NNMT: variants seen among roughly 807,000 people sequenced by gnomAD.
NNMT encodes the protein nicotinamide N-methyltransferase.
In NNMT, 10 loss-of-function variants were observed where a neutral mutation model predicts 11.7. The ratio of observed to expected loss-of-function variants is 0.85; its 90% CI spans 0.53 to 1.45. The LOEUF is 1.45. Among genes scored for constraint, NNMT ranks in the 40% most tolerant of loss-of-function variants. NNMT has a pLI of 0.00. For synonymous variants in NNMT, 143 were observed against 133.8 expected, an observed-to-expected ratio of 1.07 and a Z score of -0.48; for missense variants, 381 against 319.4, an observed-to-expected ratio of 1.19 and a Z score of -1.47.
At chr11:114,284,705 G>A (rs1269199006) in intron 2 of NNMT, among the ~76,000 whole-genome samples, 2 of 148,058 alleles carry the variant, frequency 1.4e-5, no homozygotes, top group African/African-American at 5.0e-5. Flanking sequence ...CTTGTGATAT[G>A]CCCACCTTGG....
At chr11:114,278,114 T>A (rs895957666) in intron 2 of NNMT, among the ~76,000 whole-genome samples, 30 of 152,200 alleles carry the variant, frequency 2.0e-4, no homozygotes, top group African/African-American at 7.2e-4. Flanking sequence ...TGGCTCATGG[T>A]TCTGCAGGCT....
chr11:114,284,115 A>G (rs1945279946), intron 2 of NNMT, among the ~76,000 whole-genome samples: 2 of 152,230 alleles, frequency 1.3e-5, no homozygotes, highest in Non-Finnish European at 2.9e-5. Flanking sequence ...ACAAAGCAAA[A>G]TAGTGCAGAT....
chr11:114,276,076 C>T (rs1445244226), intron 2 of NNMT, among the ~76,000 whole-genome samples: 1 of 152,156 alleles, frequency 6.6e-6, no homozygotes, highest in Non-Finnish European at 1.5e-5. Context: ...CCCTGGCCGA[C>T]TGCCTCGTTT....
At chr11:114,291,858 TA>T (rs1167041343), upstream of NNMT, among the ~76,000 whole-genome samples, 2 of 152,206 alleles carry the variant, frequency 1.3e-5, no homozygotes, top group Non-Finnish European at 2.9e-5. Flanking sequence ...TTCTTTATAC[TA>T]AATTTTATAT....
In NNMT at chr11:114,278,809, A is replaced by G. The variant is rs535686287; in HGVS notation, c.-130+15875A>G. ...CCAGGAGAAGCTTGCAGCAGATGGG[A>G]CCAGAGGCTGAGTGTTAACTCCTTC... On this transcript the variant is annotated intron_variant, in intron 2 of 4. Transcript: ENST00000535401. Among the ~76,000 whole-genome samples, 12 of 152,264 alleles carry G rather than the reference A, an allele frequency of 7.9e-5. No individual in the cohort carries two copies. The South Asian group carries it at 1.9e-3, about 24-fold the overall frequency.
rs1479882751 is a variant in NNMT at position 114,296,569 on chromosome 11, T to G, written c.13T>G (p.Phe5Val). 1.2e-6 allele frequency: 2 copies of G among 1,613,862 alleles called. No individual in the cohort carries two copies. Among genetic ancestry groups the G allele is most frequent in the South Asian group, 2.2e-5 (2 of 91,074 alleles). The change falls in exon 1 of 3, where the codon TTC (phenylalanine) becomes GTC (valine). Residue 5 changes from phenylalanine (F) to valine (V), a missense_variant. Phe to Val is a conservative substitution (Grantham distance 50). Coordinates refer to ENST00000299964, the MANE Select transcript of NNMT (RefSeq NM_006169.3). MESG[F>V]TSKDTYLSHF... Reference sequence around the variant, plus strand: ...GAAGTGAGACATAATGGAATCAGGCTTCACCTCCAAGGACACCTATCTAAG... The same window carrying G: ...GAAGTGAGACATAATGGAATCAGGCGTCACCTCCAAGGACACCTATCTAAG...
rs117437450 is a variant in NNMT at position 114,272,466 on chromosome 11, C to T, written c.-130+9532C>T. Among the ~76,000 whole-genome samples the T allele has an allele frequency of 1.4e-3, 218 of 152,276 alleles. 3 individuals carry two copies. The East Asian group carries it at 0.036, about 25-fold the overall frequency. ...AGACCCACCAGGTAACTGACAGACA[C>T]GTTGGACCTTCAGAGTGTGTGGAAC... On this transcript the variant is annotated intron_variant, in intron 2 of 4. Coordinates refer to the NNMT transcript ENST00000535401.
rs80344834 is a variant in NNMT at position 114,291,389 on chromosome 11, A to G, written c.-129-5039A>G. 7.8e-4 allele frequency among the ~76,000 whole-genome samples: 119 copies of G among 152,324 alleles called. 3 individuals carry two copies. In the East Asian group the frequency reaches 0.019, roughly 24 times the overall value. On this transcript the variant is annotated intron_variant, in intron 2 of 4. Coordinates refer to the NNMT transcript ENST00000535401. ...GACAGATTTACAAATTGGATTTTGC[A>G]CACACAACTTTCCTTTGCCAGTGTC...
Position 114,261,266 on chromosome 11 carries a change from C to T in NNMT, c.-216-1582C>T, listed in dbSNP as rs535151807. ...GCTGCTAAGGCCGCCTGGAAAGCAA[C>T]TGGGGTTGCACATCCCCTTAAAAGC... On this transcript the variant is annotated intron_variant, in intron 1 of 4. Transcript: ENST00000535401. 3.3e-5 allele frequency among the ~76,000 whole-genome samples: 5 copies of T among 152,312 alleles called. No homozygotes were observed. In the South Asian group the frequency reaches 6.2e-4, roughly 19 times the overall value.
intron 1 of NNMT, among the ~76,000 whole-genome samples, chr11:114,260,745 G>A (rs943804548): frequency 6.6e-6 from 1 of 152,182 alleles, no homozygotes; most frequent in Non-Finnish European, 1.5e-5. Context: ...ACGGACCCAC[G>A]GAACCAAGCA....
chr11:114,267,766 C>T (rs750176909), intron 2 of NNMT, among the ~76,000 whole-genome samples: 6 of 152,128 alleles, frequency 3.9e-5, no homozygotes, highest in Admixed American at 2.6e-4. Context: ...TGTTTCACCA[C>T]GACATACTCC....
At chr11:114,278,751 C>G (rs141433364) in intron 2 of NNMT, among the ~76,000 whole-genome samples, 173 of 152,248 alleles carry the variant, frequency 1.1e-3, no homozygotes, top group Admixed American at 4.7e-3. Context: ...GAGGTTGTAT[C>G]CCAGGTGCTG....
At chr11:114,308,980 A>G (rs1045637951) in intron 2 of NNMT, among the ~76,000 whole-genome samples, 4 of 152,178 alleles carry the variant, frequency 2.6e-5, no homozygotes, top group African/African-American at 7.2e-5. Flanking sequence ...GGTAAGTTCT[A>G]GTTCTGTGGT....
upstream of NNMT, among the ~76,000 whole-genome samples, chr11:114,291,802 G>C (rs1341160668): frequency 6.6e-6 from 1 of 152,070 alleles, no homozygotes; most frequent in African/African-American, 2.4e-5. Flanking sequence ...ACACTCCAGA[G>C]TCCACCTTTA....
At chr11:114,299,614 T>C (rs1320064914) in intron 2 of NNMT, among the ~76,000 whole-genome samples, 1 of 152,174 alleles carries the variant, frequency 6.6e-6, no homozygotes, top group Non-Finnish European at 1.5e-5. Flanking sequence ...TCTTAAATGA[T>C]TGATAGCATT....
chr11:114,290,571 C>A (rs988050054), intron 2 of NNMT, among the ~76,000 whole-genome samples: 2 of 152,156 alleles, frequency 1.3e-5, no homozygotes, highest in African/African-American at 4.8e-5. Context: ...AGGGCTCAGC[C>A]ACTTTAATTC....
At chr11:114,296,813 T>G in intron 1 of NNMT, 103 bp downstream of exon 1, 1 of 1,102,168 alleles carries the variant, frequency 9.1e-7, no homozygotes, top group Admixed American at 2.0e-5. Flanking sequence ...TCACAGCCCT[T>G]TTGGCATCAC....
upstream of NNMT, among the ~76,000 whole-genome samples, chr11:114,291,710 G>A (rs183258447): frequency 2.6e-5 from 4 of 152,142 alleles, no homozygotes; most frequent in East Asian, 7.7e-4. Context: ...TGGTTCTGTG[G>A]ACTCGTCCTC....
rs748375019 is a variant in NNMT, at chr11:114,312,126, A to G, written c.444A>G (p.Pro148=). The change falls in exon 3 of 3, where the codon CCA becomes CCG. Residue 148 remains proline, a synonymous_variant. Transcript: ENST00000299964. The stretch of plus-strand genomic sequence containing the variant: ...AGTGTGATGTGACTCAGAGCCAGCC[A>G]CTGGGGGCCGTCCCCTTACCCCCGG... ...VLKCDVTQSQ[P]LGAVPLPPAD... 9 of 1,613,740 alleles carry G rather than the reference A, an allele frequency of 5.6e-6. No homozygotes were observed. The South Asian group carries it at 6.6e-5, about 12-fold the overall frequency.
Sources: allele counts gnomAD v4.1 joint callset (sites outside exome capture counted in the v4.1 genomes callset), GRCh38; gene constraint gnomAD v4.1.1; transcripts MANE v1.5; gene names NCBI Gene and HGNC (gene_info 2026-07-23, HGNC 2026-07-21).